CCDC6: variants seen among roughly 807,000 people sequenced by gnomAD.
CCDC6 encodes coiled-coil domain containing 6.
CCDC6 carries 20 observed loss-of-function variants against 56.6 expected under a neutral mutation model. That is an observed-to-expected ratio of 0.35 (90% CI 0.25 to 0.51). CCDC6 has a LOEUF of 0.51. Among genes scored for constraint, CCDC6 ranks in the 20% least tolerant of loss-of-function variants. CCDC6 has a pLI of 0.95. For synonymous variants in CCDC6, 241 were observed against 234.4 expected (o/e 1.03, Z -0.26); for missense variants, 367 against 601.1 (o/e 0.61, Z 4.07).
At position 59,834,817 on chromosome 10, in the gene CCDC6, G is replaced by A. The variant is rs10994037; in HGVS notation, c.454-2164C>T. Among the ~76,000 whole-genome samples the A allele has an allele frequency of 4.0e-3, 614 of 152,178 alleles. 1 individual carries two copies. Among genetic ancestry groups the A allele is most frequent in the African/African-American group, 0.013 (553 of 41,522 alleles). ...AAGCAGCAATTAAAAGAACTAAGAC[G>A]AATGAATAGAGAACAAGAAGAGTTC... On this transcript the variant is annotated intron_variant, in intron 2 of 8. Coordinates refer to ENST00000263102, the MANE Select transcript of CCDC6 (RefSeq NM_005436.5).
chr10:59,815,762 C>T (rs2070705922), intron 3 of CCDC6, among the ~76,000 whole-genome samples: 1 of 152,180 alleles, frequency 6.6e-6, no homozygotes, highest in Non-Finnish European at 1.5e-5. Context: ...ATTCACCTTT[C>T]AATGGTTGAG....
Position 59,812,772 on chromosome 10 carries a change from T to C in CCDC6, c.710A>G (p.Gln237Arg), listed in dbSNP as rs1214921754. ...EKRILQEKLDQPVSAPPSPRD... is the reference protein window; with the variant it reads ...EKRILQEKLDRPVSAPPSPRD... ...AGGCGATGGTGGAGCAGAGACGGGC[T>C]GGTCTAATTTTTCCTGCAGGATTCT... Residue 237 changes from glutamine to arginine, a missense_variant, in exon 5 of 9, where the codon CAG (glutamine) becomes CGG (arginine). Gln to Arg is a conservative substitution (Grantham distance 43). This residue lies in a region of CCDC6 where 31 missense variants were observed against 124.2 expected (regional missense o/e 0.25). Coordinates refer to ENST00000263102, the MANE Select transcript of CCDC6 (RefSeq NM_005436.5). 6.2e-7 allele frequency: 1 copy of C among 1,606,352 alleles called. No homozygotes were observed. The highest frequency in any genetic ancestry group is 8.5e-7 in the Non-Finnish European group (1 of 1,176,532).
chr10:59,847,817 C>CTTTTT (rs757902015), intron 2 of CCDC6, among the ~76,000 whole-genome samples: 7 of 104,860 alleles, frequency 6.7e-5, no homozygotes, highest in African/African-American at 2.3e-4. Context: ...GCCTTTTAGA[C>CTTTTT]TTTTTTTTTT....
chr10:59,857,368 C>T (rs939927487), intron 1 of CCDC6, among the ~76,000 whole-genome samples: 1 of 152,148 alleles, frequency 6.6e-6, no homozygotes, highest in East Asian at 1.9e-4. Flanking sequence ...GAACTGAGCA[C>T]AAATTTGATA....
At chr10:59,892,133 T>C (rs1436120791) in intron 1 of CCDC6, among the ~76,000 whole-genome samples, 2 of 152,226 alleles carry the variant, frequency 1.3e-5, no homozygotes, top group Admixed American at 1.3e-4. Context: ...CACTAGGGCG[T>C]TGCCCATCAA....
chr10:59,800,043 T>G (rs900833827), intron 7 of CCDC6, among the ~76,000 whole-genome samples: 2 of 152,206 alleles, frequency 1.3e-5, no homozygotes, highest in African/African-American at 4.8e-5. Flanking sequence ...TTTTAAACTA[T>G]TTTACCTTGG....
At chr10:59,837,315 T>G (rs1689696507) in intron 2 of CCDC6, among the ~76,000 whole-genome samples, 1 of 152,196 alleles carries the variant, frequency 6.6e-6, no homozygotes, top group African/African-American at 2.4e-5. Context: ...CCACCCAACA[T>G]GCAGCAGGTT....
chr10:59,877,459 T>C (rs775000268), intron 1 of CCDC6, among the ~76,000 whole-genome samples: 43 of 152,172 alleles, frequency 2.8e-4, no homozygotes, highest in Admixed American at 9.2e-4. Context: ...AGTCAGGTTC[T>C]CTTTGATTAC....
At chr10:59,830,170 T>C (rs968439247) in intron 3 of CCDC6, among the ~76,000 whole-genome samples, 1 of 152,210 alleles carries the variant, frequency 6.6e-6, no homozygotes, top group Non-Finnish European at 1.5e-5. Flanking sequence ...TGACTGTCAG[T>C]AAAGCAAAGA....
intron 6 of CCDC6, chr10:59,806,679 TC>T: frequency 2.3e-6 from 1 of 440,896 alleles, no homozygotes. Context: ...TAACCCTGTC[TC>T]CATTTCTCTC....
chr10:59,877,035 A>T (rs1005474052), intron 1 of CCDC6, among the ~76,000 whole-genome samples: 5 of 152,212 alleles, frequency 3.3e-5, no homozygotes, highest in Non-Finnish European at 5.9e-5. Flanking sequence ...GTAACATAAG[A>T]TTAGTATTTA....
At chr10:59,843,881 CTCTA>C (rs2070965112) in intron 2 of CCDC6, among the ~76,000 whole-genome samples, 1 of 152,186 alleles carries the variant, frequency 6.6e-6, no homozygotes, top group Non-Finnish European at 1.5e-5. Flanking sequence ...TGATCACTCT[CTCTA>C]AACTTTGACC....
intron 3 of CCDC6, among the ~76,000 whole-genome samples, chr10:59,824,031 T>A (rs943785037): frequency 6.6e-6 from 1 of 152,192 alleles, no homozygotes; most frequent in African/African-American, 2.4e-5. Context: ...AGGAAATACA[T>A]TGAGTTTTTC....
chr10:59,859,199 CGTGTGTGTGTGT>C lies in CCDC6; in HGVS notation c.304-6509_304-6498del, dbSNP rs66648240. On this transcript the variant is annotated intron_variant, in intron 1 of 8. Coordinates refer to ENST00000263102, the MANE Select transcript of CCDC6 (RefSeq NM_005436.5). ...CTGGAAAAAAAAATACATGTGTGTG[CGTGTGTGTGTGT>C]GTGTGTGTGTGTGTGTGTGTGTGTG... Among the ~76,000 whole-genome samples, 31 of 137,260 alleles carry C rather than the reference CGTGTGTGTGTGT, an allele frequency of 2.3e-4. No homozygotes were observed. The East Asian group carries it at 2.7e-3, about 12-fold the overall frequency. 90.0% of individuals were successfully genotyped at this position (137,260 alleles called of 152,430 possible).
intron 3 of CCDC6, among the ~76,000 whole-genome samples, chr10:59,830,035 A>G (rs1368265911): frequency 6.6e-6 from 1 of 152,218 alleles, no homozygotes; most frequent in Non-Finnish European, 1.5e-5. Context: ...CTGCCTTCTG[A>G]AATACAGAGG....
intron 3 of CCDC6, among the ~76,000 whole-genome samples, chr10:59,830,610 T>C (rs2132642737): frequency 6.6e-6 from 1 of 152,220 alleles, no homozygotes; most frequent in East Asian, 1.9e-4. Context: ...TGGAAATCTA[T>C]TTCTTTACCA....
chr10:59,852,299 G>T (rs1414482418), intron 2 of CCDC6, among the ~76,000 whole-genome samples: 1 of 152,146 alleles, frequency 6.6e-6, no homozygotes, highest in Admixed American at 6.5e-5. Context: ...CTCATGCCAA[G>T]ATCTTGTGCT....
At chr10:59,902,246 G>A (rs1048035142) in intron 1 of CCDC6, among the ~76,000 whole-genome samples, 1 of 152,156 alleles carries the variant, frequency 6.6e-6, no homozygotes, top group African/African-American at 2.4e-5. Context: ...TTACATACCA[G>A]AAGAGACCAT....
chr10:59,876,066 CAG>C (rs59724857), intron 1 of CCDC6, among the ~76,000 whole-genome samples: 88,709 of 117,628 alleles, frequency 0.75, 34,127 homozygotes, highest in East Asian at 0.9. Flanking sequence ...AGTGCATGCA[CAG>C]ATGTCTTTTT....
Sources: allele counts gnomAD v4.1 joint callset (sites outside exome capture counted in the v4.1 genomes callset), GRCh38; gene constraint gnomAD v4.1.1; regional missense constraint gnomAD v4.1.1; transcripts MANE v1.5; gene names NCBI Gene and HGNC (gene_info 2026-07-23, HGNC 2026-07-21).